Variants in SLC35F1 observed in about 807,000 individuals in gnomAD.
The protein encoded by SLC35F1 is chromosome 6 open reading frame 169.
A neutral mutation model predicts 48.7 loss-of-function variants in SLC35F1; 14 were observed. The ratio of observed to expected loss-of-function variants is 0.29; its 90% CI spans 0.19 to 0.45. The LOEUF (loss-of-function observed/expected upper bound fraction) is 0.45, where lower values mean the gene tolerates loss of function less well. Among genes scored for constraint, SLC35F1 ranks in the 20% least tolerant of loss-of-function variants. SLC35F1 has a pLI of 1.00. For synonymous variants in SLC35F1, 190 were observed against 202.2 expected, an observed-to-expected ratio of 0.94 and a Z score of 0.51; for missense variants, 404 against 500.0, an observed-to-expected ratio of 0.81 and a Z score of 1.83.
chr6:117,997,108 C>T (rs1317705845), intron 1 of SLC35F1, among the ~76,000 whole-genome samples: 7 of 151,940 alleles, frequency 4.6e-5, no homozygotes, highest in East Asian at 3.9e-4. Flanking sequence ...AGCCAAGGCT[C>T]GAGAACTACG....
At chr6:118,223,173 A>C (rs1320286880) in intron 2 of SLC35F1, among the ~76,000 whole-genome samples, 1 of 152,246 alleles carries the variant, frequency 6.6e-6, no homozygotes, top group Non-Finnish European at 1.5e-5. Flanking sequence ...TGTTTTATTA[A>C]ATGTGCCATG....
intron 1 of SLC35F1, among the ~76,000 whole-genome samples, chr6:117,966,288 G>A (rs192515919): frequency 1.4e-4 from 22 of 152,186 alleles, no homozygotes; most frequent in Admixed American, 1.3e-4. Context: ...TAACACTCAC[G>A]GCAAAGGTCT....
chr6:118,198,729 G>T (rs1040595488), intron 2 of SLC35F1, among the ~76,000 whole-genome samples: 9 of 152,288 alleles, frequency 5.9e-5, no homozygotes, highest in Middle Eastern at 3.4e-3. Context: ...ACCTGTGTGT[G>T]TATATGTATG....
At chr6:118,199,833 A>C (rs1334844) in intron 2 of SLC35F1, among the ~76,000 whole-genome samples, 12,645 of 152,194 alleles carry the variant, frequency 0.083, 1,103 homozygotes, top group African/African-American at 0.22. Context: ...AACAAATAAT[A>C]GCTGTCTAGC....
chr6:118,206,432 G>A (rs569913169), intron 2 of SLC35F1, among the ~76,000 whole-genome samples: 101 of 152,232 alleles, frequency 6.6e-4, no homozygotes, highest in African/African-American at 2.4e-3. Flanking sequence ...CAGCAGGAGG[G>A]CATAATCTCA....
rs1014695976 is a variant in SLC35F1, at chr6:118,008,911, T to C, written c.173+101012T>C. Reference sequence around the variant, plus strand: ...GCTCATGTTTTCATTTCTGTTAATATAAACTAAAGACCTATATGAAGGATT... The same window carrying C: ...GCTCATGTTTTCATTTCTGTTAATACAAACTAAAGACCTATATGAAGGATT... On this transcript the variant is annotated intron_variant, in intron 1 of 7. Transcript: ENST00000360388. Among the ~76,000 whole-genome samples, 13 of 152,210 alleles carry C rather than the reference T, an allele frequency of 8.5e-5. No homozygotes were observed. The East Asian group carries it at 2.1e-3, about 25-fold the overall frequency.
chr6:117,980,226 TG>T (rs1246628562), intron 1 of SLC35F1, among the ~76,000 whole-genome samples: 1 of 152,140 alleles, frequency 6.6e-6, no homozygotes, highest in African/African-American at 2.4e-5. Flanking sequence ...CACTGAGGTT[TG>T]GGTGATCAGA....
intron 1 of SLC35F1, among the ~76,000 whole-genome samples, chr6:118,093,980 T>C (rs1284513720): frequency 2.0e-5 from 3 of 152,222 alleles, no homozygotes; most frequent in African/African-American, 7.2e-5. Context: ...AAGAGGTTAA[T>C]AAAAGTTCTG....
At chr6:118,182,605 C>T (rs868389745) in intron 2 of SLC35F1, among the ~76,000 whole-genome samples, 20 of 151,260 alleles carry the variant, frequency 1.3e-4, no homozygotes, top group African/African-American at 4.9e-4. Flanking sequence ...GTGGCTCACT[C>T]CTGAAATCTC....
chr6:118,314,327 A>AT lies in SLC35F1; in HGVS notation c.*75_*76insT. On this transcript the variant is annotated 3_prime_UTR_variant, in exon 8 of 8. Coordinates refer to ENST00000360388, the MANE Select transcript of SLC35F1 (RefSeq NM_001029858.4). ...CCCATCATCTCTGTATTGTACATAG[A>AT]GAAAGGTATTTACTAGGTGCAGTTT... The AT allele has an allele frequency of 7.4e-7, 1 of 1,352,292 alleles. No individual in the cohort carries two copies. Among genetic ancestry groups the AT allele is most frequent in the Non-Finnish European group, 1.0e-6 (1 of 957,516 alleles). 83.8% of individuals were successfully genotyped at this position (1,352,292 alleles called of 1,614,324 possible).
chr6:118,035,396 C>G (rs1001264347), intron 1 of SLC35F1, among the ~76,000 whole-genome samples: 2 of 151,224 alleles, frequency 1.3e-5, no homozygotes, highest in Admixed American at 1.3e-4. Flanking sequence ...CACCTGAGGT[C>G]AGGAGTTCAA....
intron 1 of SLC35F1, among the ~76,000 whole-genome samples, chr6:118,138,259 G>T (rs2114436118): frequency 6.7e-6 from 1 of 150,292 alleles, no homozygotes; most frequent in Non-Finnish European, 1.5e-5. Flanking sequence ...AGTGAGCCAT[G>T]ATCACACCAC....
At chr6:118,052,506 A>T (rs1772405334) in intron 1 of SLC35F1, among the ~76,000 whole-genome samples, 1 of 152,242 alleles carries the variant, frequency 6.6e-6, no homozygotes, top group Admixed American at 6.5e-5. Flanking sequence ...AAGAAGTCTT[A>T]AAAATGTAAT....
intron 1 of SLC35F1, among the ~76,000 whole-genome samples, chr6:117,954,566 T>A (rs777689682): frequency 6.6e-6 from 1 of 152,186 alleles, no homozygotes; most frequent in Non-Finnish European, 1.5e-5. Context: ...GCTGTTTTTT[T>A]CTTTTTAAAG....
At chr6:118,054,554 A>G (rs1358155003) in intron 1 of SLC35F1, among the ~76,000 whole-genome samples, 1 of 152,190 alleles carries the variant, frequency 6.6e-6, no homozygotes, top group Non-Finnish European at 1.5e-5. Flanking sequence ...TGTATTCTCT[A>G]TATGCCATTT....
At chr6:118,265,326 A>G (rs78658713) in intron 3 of SLC35F1, among the ~76,000 whole-genome samples, 6,072 of 152,238 alleles carry the variant, frequency 0.04, 413 homozygotes, top group African/African-American at 0.14. Flanking sequence ...ATATTTGTTC[A>G]ATAACTCTTA....
At chr6:117,984,569 A>T (rs145106235) in intron 1 of SLC35F1, among the ~76,000 whole-genome samples, 1 of 152,144 alleles carries the variant, frequency 6.6e-6, no homozygotes, top group African/African-American at 2.4e-5. Context: ...AGTGTCCCAG[A>T]AGTTAAGTGT....
intron 2 of SLC35F1, among the ~76,000 whole-genome samples, chr6:118,223,346 C>T (rs367881513): frequency 1.7e-3 from 254 of 152,204 alleles, no homozygotes; most frequent in African/African-American, 5.7e-3. Flanking sequence ...GCAGTTACTG[C>T]GAGCCAGACA....
intron 7 of SLC35F1, among the ~76,000 whole-genome samples, chr6:118,310,118 C>T (rs1230583028): frequency 1.3e-5 from 2 of 152,188 alleles, no homozygotes; most frequent in East Asian, 1.9e-4. Context: ...ACTATGTCTG[C>T]GGCACAGAAC....
Sources: allele counts gnomAD v4.1 joint callset (sites outside exome capture counted in the v4.1 genomes callset), GRCh38; gene constraint gnomAD v4.1.1; transcripts MANE v1.5; gene names NCBI Gene and HGNC (gene_info 2026-07-23, HGNC 2026-07-21).